Variants in FAM53A observed in about 807,000 individuals in gnomAD.
FAM53A encodes protein FAM53A.
Under a neutral mutation model 26.6 loss-of-function variants are expected in FAM53A, and 28 were observed. The observed-to-expected ratio is 1.05, with a 90% CI of 0.78 to 1.45. FAM53A has a LOEUF of 1.45. Ranked by LOEUF, FAM53A falls within the 40% of genes most tolerant of loss-of-function variation. The pLI is 0.00. For synonymous variants in FAM53A, 290 were observed against 253.1 expected, an observed-to-expected ratio of 1.15 and a Z score of -1.38; for missense variants, 650 against 575.8, an observed-to-expected ratio of 1.13 and a Z score of -1.32.
At chr4:1,627,816 C>T (rs1437853028) in intron 1 of FAM53A, among the ~76,000 whole-genome samples, 1 of 151,956 alleles carries the variant, frequency 6.6e-6, no homozygotes, top group East Asian at 2.0e-4. Flanking sequence ...AGGGCAGCCC[C>T]TCCAGAGGTC....
chr4:1,590,757 T>C, the FAM53A span, among the ~76,000 whole-genome samples: 1 of 151,694 alleles, frequency 6.6e-6, no homozygotes, highest in African/African-American at 2.4e-5. Flanking sequence ...ATGAGATGTG[T>C]AAACTGATAG....
chr4:1,615,835 C>A (rs528074352), downstream of FAM53A, among the ~76,000 whole-genome samples: 1 of 152,228 alleles, frequency 6.6e-6, no homozygotes, highest in South Asian at 2.1e-4. Context: ...GATGAAGGAC[C>A]ATGCACTTTT....
At chr4:1,646,852 C>A (rs1712291996) in intron 4 of FAM53A, among the ~76,000 whole-genome samples, 1 of 152,200 alleles carries the variant, frequency 6.6e-6, no homozygotes, top group Non-Finnish European at 1.5e-5. Flanking sequence ...CTCGGTCTCT[C>A]CAGAGGCAGC....
chr4:1,577,387 C>T, the FAM53A span, among the ~76,000 whole-genome samples: 1 of 152,184 alleles, frequency 6.6e-6, no homozygotes, highest in Non-Finnish European at 1.5e-5. Flanking sequence ...CGCCAGCAGA[C>T]GGAGCCTGGA....
downstream of FAM53A, among the ~76,000 whole-genome samples, chr4:1,636,581 A>C (rs968165202): frequency 3.3e-5 from 5 of 152,104 alleles, no homozygotes; most frequent in Non-Finnish European, 5.9e-5. Flanking sequence ...CACCTGGCTC[A>C]CTCGTCCCTC....
chr4:1,681,160 G>A (rs950055264), intron 1 of FAM53A, among the ~76,000 whole-genome samples: 1 of 152,122 alleles, frequency 6.6e-6, no homozygotes, highest in Admixed American at 6.6e-5. Flanking sequence ...GCAACGGCGC[G>A]ATCTCAGCTC....
intron 4 of FAM53A, among the ~76,000 whole-genome samples, chr4:1,646,367 G>C (rs143320687): frequency 0.013 from 2,055 of 152,308 alleles, 44 homozygotes; most frequent in African/African-American, 0.047. Context: ...CCAAAGTGCT[G>C]GGATTACAGG....
At chr4:1,596,674 G>A in the FAM53A span, among the ~76,000 whole-genome samples, 1 of 152,214 alleles carries the variant, frequency 6.6e-6, no homozygotes, top group African/African-American at 2.4e-5. Flanking sequence ...GCCGCGGGCT[G>A]CTGTGGCCTC....
intron 1 of FAM53A, among the ~76,000 whole-genome samples, chr4:1,672,434 C>T (rs1024166097): frequency 2.0e-5 from 3 of 152,114 alleles, no homozygotes; most frequent in Non-Finnish European, 2.9e-5. Context: ...GTGGGGGTGG[C>T]GGGAAGCGCC....
At chr4:1,594,791 C>T in the FAM53A span, among the ~76,000 whole-genome samples, 6 of 152,134 alleles carry the variant, frequency 3.9e-5, no homozygotes, top group Non-Finnish European at 5.9e-5. Context: ...TGCAGTGAGC[C>T]GTGATGGTGC....
chr4:1,607,865 A>C, the FAM53A span, among the ~76,000 whole-genome samples: 1 of 151,168 alleles, frequency 6.6e-6, no homozygotes. Flanking sequence ...ACTTGAACCG[A>C]GGAGGCAGAG....
chr4:1,673,359 C>T (rs987804075), intron 1 of FAM53A, among the ~76,000 whole-genome samples: 4 of 152,222 alleles, frequency 2.6e-5, no homozygotes, highest in East Asian at 1.9e-4. Flanking sequence ...GTGATGTGAA[C>T]GCCTGGAGGG....
intron 1 of FAM53A, among the ~76,000 whole-genome samples, chr4:1,632,519 G>A (rs1715655232): frequency 2.0e-5 from 3 of 152,156 alleles, no homozygotes; most frequent in Non-Finnish European, 4.4e-5. Context: ...CAAGAGAACT[G>A]TCACATGACC....
the FAM53A span, among the ~76,000 whole-genome samples, chr4:1,611,738 C>A: frequency 1.3e-5 from 2 of 152,216 alleles, no homozygotes; most frequent in African/African-American, 2.4e-5. Flanking sequence ...GAGGGCCCCC[C>A]ACCCTGGCCA....
chr4:1,636,348 G>A (rs1715837807), downstream of FAM53A, among the ~76,000 whole-genome samples: 1 of 152,140 alleles, frequency 6.6e-6, no homozygotes, highest in South Asian at 2.1e-4. Context: ...GAGTCTACTT[G>A]ACCGATTAAC....
At position 1,668,805 on chromosome 4, in the gene FAM53A, C is replaced by G. The variant is rs540258361; in HGVS notation, c.-64G>C. Reference sequence around the variant, plus strand: ...CTGGAGTCCTGGAACATCAGACTTGCGAAGGCCCCAGCATTGCTGGGTCAG... The same window carrying G: ...CTGGAGTCCTGGAACATCAGACTTGGGAAGGCCCCAGCATTGCTGGGTCAG... On this transcript the variant is annotated 5_prime_UTR_variant, in exon 2 of 5. Transcript: ENST00000308132. 3.9e-6 allele frequency: 6 copies of G among 1,530,316 alleles called. No homozygotes were observed. The highest frequency in any genetic ancestry group is 4.5e-6 in the Non-Finnish European group (5 of 1,106,496). The allele number at this position is 1,530,316 out of a possible 1,614,324, so 94.8% of individuals were successfully genotyped here.
the FAM53A span, among the ~76,000 whole-genome samples, chr4:1,580,624 C>T: frequency 6.7e-6 from 1 of 149,488 alleles, no homozygotes; most frequent in South Asian, 2.1e-4. Context: ...GCCTCCTGCC[C>T]AGGCCCTGCC....
intron 1 of FAM53A, among the ~76,000 whole-genome samples, chr4:1,679,684 T>TAAAAA (rs35096985): frequency 8.9e-6 from 1 of 112,482 alleles, no homozygotes; most frequent in African/African-American, 3.5e-5. Flanking sequence ...GAAACTCCAT[T>TAAAAA]AAAAAAAAAA....
intron 2 of FAM53A, among the ~76,000 whole-genome samples, chr4:1,667,869 A>G (rs1425213529): frequency 6.6e-6 from 1 of 152,140 alleles, no homozygotes; most frequent in Non-Finnish European, 1.5e-5. Context: ...CTGCCATCTA[A>G]CTAGGGCGGG....
Sources: allele counts gnomAD v4.1 joint callset (sites outside exome capture counted in the v4.1 genomes callset), GRCh38; gene constraint gnomAD v4.1.1; transcripts MANE v1.5; gene names NCBI Gene and HGNC (gene_info 2026-07-23, HGNC 2026-07-21).